Variants in GRIK1 observed in about 807,000 individuals in gnomAD.
The protein encoded by GRIK1 is glutamate receptor ionotropic, kainate 1.
GRIK1 carries 69 observed loss-of-function variants against 105.7 expected under a neutral mutation model. That is an observed-to-expected ratio of 0.65 (90% CI 0.54 to 0.80). GRIK1 has a LOEUF of 0.80. Among genes scored for constraint, GRIK1 ranks in the 30% least tolerant of loss-of-function variants. The probability of loss-of-function intolerance (pLI) is 0.00; values close to 1 mark genes in which losing one functional copy is unlikely to be tolerated. For synonymous variants in GRIK1, 438 were observed against 431.3 expected, an observed-to-expected ratio of 1.02 and a Z score of -0.19; for missense variants, 1,109 against 1,167.3, an observed-to-expected ratio of 0.95 and a Z score of 0.73.
chr21:29,843,901 C>G (rs570713203), intron 1 of GRIK1, among the ~76,000 whole-genome samples: 62 of 152,210 alleles, frequency 4.1e-4, no homozygotes, highest in African/African-American at 1.3e-3. Flanking sequence ...TGGTTCAGTC[C>G]CCACAGACTC....
At chr21:29,769,989 ATGT>A (rs1208180985) in intron 1 of GRIK1, among the ~76,000 whole-genome samples, 3 of 152,186 alleles carry the variant, frequency 2.0e-5, no homozygotes, top group Admixed American at 6.5e-5. Context: ...TGTGAGTATG[ATGT>A]TGTTTTTTAT....
At chr21:29,537,413 G>C in intron 17 of GRIK1, 28 bp from the exon 18 acceptor site, 1 of 1,579,752 alleles carries the variant, frequency 6.3e-7, no homozygotes, top group Non-Finnish European at 8.6e-7. Context: ...CAGACCATCA[G>C]CTTAATTAAG....
intron 1 of GRIK1, among the ~76,000 whole-genome samples, chr21:29,877,416 C>A (rs901768132): frequency 6.6e-6 from 1 of 151,872 alleles, no homozygotes; most frequent in Non-Finnish European, 1.5e-5. Context: ...AAAATAAGAA[C>A]GATTATATTA....
chr21:29,688,539 A>G (rs530465662), intron 3 of GRIK1, among the ~76,000 whole-genome samples: 2 of 152,250 alleles, frequency 1.3e-5, no homozygotes, highest in East Asian at 3.9e-4. Context: ...AATTCAGACA[A>G]TCAATGGTAT....
chr21:29,607,444 C>T (rs1038336027), intron 7 of GRIK1, among the ~76,000 whole-genome samples: 1 of 148,484 alleles, frequency 6.7e-6, no homozygotes, highest in Non-Finnish European at 1.5e-5. Context: ...ATGAATAAAA[C>T]CTTGTGAAAT....
intron 1 of GRIK1, among the ~76,000 whole-genome samples, chr21:29,811,324 C>A (rs2067003641): frequency 1.3e-5 from 2 of 152,090 alleles, no homozygotes; most frequent in South Asian, 4.1e-4. Flanking sequence ...TGCACTCTGT[C>A]CGTAATAACT....
rs749170947 is a variant in GRIK1, at chr21:29,537,280, T to A, written c.2800A>T (p.Ile934Phe). 20 of 1,612,438 alleles carry A rather than the reference T, an allele frequency of 1.2e-5. No homozygotes were observed. The highest frequency in any genetic ancestry group is 1.6e-5 in the Non-Finnish European group (19 of 1,178,896). Reference sequence around the variant, plus strand: ...GTTCGTCTCTGATGACAAGTAAGGATACTTGTGAAGGAAGATTTCCCCTTA... The same window carrying A: ...GTTCGTCTCTGATGACAAGTAAGGAAACTTGTGAAGGAAGATTTCCCCTTA... Reference protein sequence around the residue: ...RTKGKSSFTSILTCHQRRTQR... With the variant: ...RTKGKSSFTSFLTCHQRRTQR... Residue 934 changes from isoleucine (I) to phenylalanine (F), a missense_variant, in exon 18 of 18, where the codon ATC becomes TTC. By Grantham distance (21) the Ile-to-Phe change is conservative. Transcript: ENST00000327783.
chr21:29,879,899 A>G (rs995183016), intron 1 of GRIK1, among the ~76,000 whole-genome samples: 4 of 152,158 alleles, frequency 2.6e-5, no homozygotes, highest in African/African-American at 9.6e-5. Context: ...GAGATGAAGA[A>G]AACCTCAAGC....
intron 1 of GRIK1, among the ~76,000 whole-genome samples, chr21:29,745,286 G>T (rs2065023889): frequency 6.6e-6 from 1 of 152,192 alleles, no homozygotes; most frequent in African/African-American, 2.4e-5. Context: ...AGTAAACTCA[G>T]AAGTAGATGC....
chr21:29,624,944 G>A (rs1279864261), intron 7 of GRIK1, among the ~76,000 whole-genome samples: 1 of 152,144 alleles, frequency 6.6e-6, no homozygotes, highest in Non-Finnish European at 1.5e-5. Context: ...TTTGATCCAG[G>A]CCTTTCTTCT....
chr21:29,902,644 G>A (rs914052193), intron 1 of GRIK1, among the ~76,000 whole-genome samples: 20 of 152,112 alleles, frequency 1.3e-4, no homozygotes, highest in African/African-American at 4.8e-4. Context: ...AAATAAGAGA[G>A]GACACAAACA....
At chr21:29,923,795 G>A (rs1004268303) in intron 1 of GRIK1, among the ~76,000 whole-genome samples, 1 of 152,222 alleles carries the variant, frequency 6.6e-6, no homozygotes, top group East Asian at 1.9e-4. Context: ...CAATAGTCCC[G>A]TTAGATAAAA....
At chr21:29,796,183 A>G (rs2066550482) in intron 1 of GRIK1, among the ~76,000 whole-genome samples, 1 of 152,204 alleles carries the variant, frequency 6.6e-6, no homozygotes, top group Non-Finnish European at 1.5e-5. Flanking sequence ...AGAAATTTGA[A>G]TTATATCTCA....
intron 14 of GRIK1, among the ~76,000 whole-genome samples, chr21:29,562,617 T>C (rs2090508821): frequency 6.6e-6 from 1 of 151,970 alleles, no homozygotes; most frequent in African/African-American, 2.4e-5. Context: ...ATCGTGCCAT[T>C]GCACTTCAGC....
intron 1 of GRIK1, among the ~76,000 whole-genome samples, chr21:29,835,016 G>A (rs568719326): frequency 6.0e-4 from 91 of 152,034 alleles, no homozygotes; most frequent in African/African-American, 1.8e-3. Context: ...TGGGCATAGC[G>A]TTTCTACTAT....
chr21:29,849,663 C>T (rs2068244014), intron 1 of GRIK1, among the ~76,000 whole-genome samples: 1 of 152,202 alleles, frequency 6.6e-6, no homozygotes, highest in African/African-American at 2.4e-5. Flanking sequence ...TGCTTATCCC[C>T]TTCTCTCTGC....
At chr21:29,825,030 T>C (rs1227452652) in intron 1 of GRIK1, among the ~76,000 whole-genome samples, 1 of 152,036 alleles carries the variant, frequency 6.6e-6, no homozygotes, top group South Asian at 2.1e-4. Context: ...ATGTTTAATA[T>C]ATTATTGTGG....
rs1568982982 is a variant in GRIK1 at position 29,693,858 on chromosome 21, TC to T, written c.286+37del. 5 of 1,501,044 alleles carry T rather than the reference TC, an allele frequency of 3.3e-6. No individual in the cohort carries two copies. The African/African-American group carries it at 6.9e-5, about 21-fold the overall frequency. 93.0% of individuals were successfully genotyped at this position (1,501,044 alleles called of 1,614,324 possible). ...GAAGGTGACTTGGAGAGCAGACATA[TC>T]ACCCAAAGAAGCTTTTAAAAGTGGG... On this transcript the variant is annotated intron_variant, in intron 2 of 17. Coordinates refer to ENST00000327783, the MANE Select transcript of GRIK1 (RefSeq NM_001330994.2).
At chr21:29,792,750 G>C (rs537673336) in intron 1 of GRIK1, among the ~76,000 whole-genome samples, 67 of 152,308 alleles carry the variant, frequency 4.4e-4, no homozygotes, top group African/African-American at 1.4e-3. Flanking sequence ...GGTGCAAGTT[G>C]CAAGGTACAC....
Sources: allele counts gnomAD v4.1 joint callset (sites outside exome capture counted in the v4.1 genomes callset), GRCh38; gene constraint gnomAD v4.1.1; transcripts MANE v1.5; gene names NCBI Gene and HGNC (gene_info 2026-07-23, HGNC 2026-07-21).